WLS: variants seen among roughly 807,000 people sequenced by gnomAD.
The protein encoded by WLS is Wnt ligand secretion mediator.
In WLS, 23 loss-of-function variants were observed where a neutral mutation model predicts 62.8. The ratio of observed to expected loss-of-function variants is 0.37; its 90% CI spans 0.26 to 0.52. The LOEUF (loss-of-function observed/expected upper bound fraction) is 0.52. Among genes scored for constraint, WLS ranks in the 20% least tolerant of loss-of-function variants. WLS has a pLI of 0.92. For missense variants in WLS, 615 were observed against 697.3 expected, an observed-to-expected ratio of 0.88 and a Z score of 1.33; for synonymous variants, 246 against 244.1, an observed-to-expected ratio of 1.01 and a Z score of -0.07.
intron 1 of WLS, among the ~76,000 whole-genome samples, chr1:68,210,695 T>C (rs955066159): frequency 2.0e-5 from 3 of 152,096 alleles, no homozygotes; most frequent in Non-Finnish European, 4.4e-5. Flanking sequence ...GGGTTCCCTG[T>C]TGAAAACAGA....
intron 10 of WLS, among the ~76,000 whole-genome samples, chr1:68,140,306 T>C (rs541220386): frequency 5.8e-4 from 89 of 152,282 alleles, no homozygotes; most frequent in Middle Eastern, 6.8e-3. Flanking sequence ...AAACAGGGGT[T>C]GATCTCTGAA....
chr1:68,231,898 G>A (rs1439407236), intron 1 of WLS: 11 of 445,330 alleles, frequency 2.5e-5, no homozygotes, highest in Admixed American at 1.0e-4. Context: ...GTAACCCAGC[G>A]CTTCCTCGCG....
At chr1:68,228,322 G>A (rs1650252909) in intron 1 of WLS, 1 of 404,080 alleles carries the variant, frequency 2.5e-6, no homozygotes, top group Non-Finnish European at 4.8e-6. Context: ...AGTTTTAGAA[G>A]AGCTGAGAAC....
chr1:68,155,692 T>C (rs1646887416), intron 3 of WLS, among the ~76,000 whole-genome samples: 1 of 152,180 alleles, frequency 6.6e-6, no homozygotes, highest in Non-Finnish European at 1.5e-5. Flanking sequence ...TGGAAGCTCT[T>C]GCTGAATCAT....
At chr1:68,172,094 A>G (rs1380251717) in intron 2 of WLS, among the ~76,000 whole-genome samples, 2 of 150,956 alleles carry the variant, frequency 1.3e-5, no homozygotes, top group Non-Finnish European at 3.0e-5. Flanking sequence ...GTTCTCACTC[A>G]TAAGTGGGAG....
intron 2 of WLS, among the ~76,000 whole-genome samples, chr1:68,161,258 G>T (rs929444730): frequency 2.0e-4 from 31 of 152,178 alleles, no homozygotes; most frequent in Non-Finnish European, 4.4e-5. Flanking sequence ...GCGAGCAAGT[G>T]TCTACCACAG....
At chr1:68,115,906 CCT>C (rs1447152299) in intron 11 of WLS, among the ~76,000 whole-genome samples, 17 of 152,220 alleles carry the variant, frequency 1.1e-4, no homozygotes, top group Non-Finnish European at 2.2e-4. Flanking sequence ...AGTCTTCCAC[CCT>C]CTCCCTCCTG....
intron 1 of WLS, among the ~76,000 whole-genome samples, chr1:68,228,842 C>CAAA (rs66626696): frequency 8.6e-5 from 5 of 58,030 alleles, no homozygotes; most frequent in Non-Finnish European, 1.4e-4. Flanking sequence ...ACACTGGTGC[C>CAAA]AAAAAAAAAA....
rs76918505 is a variant in WLS, at chr1:68,158,215, G to A, written c.504+908C>T. ...TTAATAGGTTCTGGGTGTGCCCTGG[G>A]AATCTGCCTTTCCTAAAACCTCTCA... On this transcript the variant is annotated intron_variant, in intron 3 of 11. Coordinates refer to ENST00000262348, the MANE Select transcript of WLS (RefSeq NM_024911.7). Among the ~76,000 whole-genome samples the A allele has an allele frequency of 1.8e-3, 267 of 152,242 alleles. 7 individuals carry two copies. In the East Asian group the frequency reaches 0.048, roughly 27 times the overall value.
intron 11 of WLS, among the ~76,000 whole-genome samples, chr1:68,106,301 G>GA (rs1490835858): frequency 6.6e-6 from 1 of 152,188 alleles, no homozygotes; most frequent in Non-Finnish European, 1.5e-5. Context: ...TGCTCTTGAG[G>GA]AGATGCCGAG....
intron 11 of WLS, among the ~76,000 whole-genome samples, chr1:68,130,683 C>T (rs1646505445): frequency 6.6e-6 from 1 of 152,104 alleles, no homozygotes; most frequent in Non-Finnish European, 1.5e-5. Context: ...GTCTGCCTTA[C>T]ATTTTTGGTG....
intron 11 of WLS, chr1:68,117,838 A>G (rs2566764): frequency 0.97 from 147,193 of 152,288 alleles, 71,270 homozygotes; most frequent in South Asian, 1. Flanking sequence ...GGGTAACCCA[A>G]TGACATGATC....
intron 1 of WLS, among the ~76,000 whole-genome samples, chr1:68,204,340 G>A (rs1286894215): frequency 6.6e-6 from 1 of 150,806 alleles, no homozygotes; most frequent in East Asian, 1.9e-4. Context: ...TTTTTTTTTA[G>A]ACGGAGTCTC....
chr1:68,117,235 C>T (rs1646304305), intron 11 of WLS, among the ~76,000 whole-genome samples: 1 of 152,214 alleles, frequency 6.6e-6, no homozygotes, highest in African/African-American at 2.4e-5. Context: ...ACCATGACAT[C>T]TAGAGTGGAT....
chr1:68,226,159 G>A (rs1255778437), intron 1 of WLS, among the ~76,000 whole-genome samples: 3 of 152,122 alleles, frequency 2.0e-5, no homozygotes. Flanking sequence ...TGAGAAATCA[G>A]TTTTAGTGCT....
downstream of WLS, among the ~76,000 whole-genome samples, chr1:68,121,546 T>A (rs1173294468): frequency 1.3e-5 from 2 of 152,048 alleles, no homozygotes; most frequent in Admixed American, 1.3e-4. Flanking sequence ...AACCAAGTTA[T>A]CCCCATGCAA....
At chr1:68,184,220 C>A (rs1470252291) in intron 2 of WLS, among the ~76,000 whole-genome samples, 4 of 152,152 alleles carry the variant, frequency 2.6e-5, no homozygotes, top group African/African-American at 9.7e-5. Flanking sequence ...GATATGTAAA[C>A]AAATTCTCTA....
intron 7 of WLS, 72 bp downstream of exon 7, chr1:68,148,491 C>A: frequency 6.7e-7 from 1 of 1,493,852 alleles, no homozygotes; most frequent in African/African-American, 1.4e-5. Flanking sequence ...TTTTCAAACA[C>A]TCCTCCTAAA....
chr1:68,208,758 G>A (rs763306504), intron 1 of WLS, among the ~76,000 whole-genome samples: 5 of 152,142 alleles, frequency 3.3e-5, no homozygotes, highest in South Asian at 2.1e-4. Flanking sequence ...TCATGCAAAC[G>A]TTAGGCAGAA....
Sources: allele counts gnomAD v4.1 joint callset (sites outside exome capture counted in the v4.1 genomes callset), GRCh38; gene constraint gnomAD v4.1.1; transcripts MANE v1.5; gene names NCBI Gene and HGNC (gene_info 2026-07-23, HGNC 2026-07-21).